The following SLC5A12 variants were observed in gnomAD, a reference collection of about 807,000 sequenced individuals.
SLC5A12 encodes the protein sodium-coupled monocarboxylate transporter 2.
SLC5A12 carries 46 observed loss-of-function variants against 72.7 expected under a neutral mutation model. The ratio of observed to expected loss-of-function variants is 0.63; its 90% CI spans 0.50 to 0.81. The LOEUF (loss-of-function observed/expected upper bound fraction) is 0.81. Among genes scored for constraint, SLC5A12 ranks in the 30% least tolerant of loss-of-function variants. SLC5A12 has a pLI of 0.00. For synonymous variants in SLC5A12, 275 were observed against 264.4 expected (o/e 1.04, Z -0.39); for missense variants, 683 against 740.7 (o/e 0.92, Z 0.90).
intron 13 of SLC5A12, among the ~76,000 whole-genome samples, chr11:26,674,182 T>C (rs61877305): frequency 0.03 from 4,641 of 152,210 alleles, 100 homozygotes; most frequent in Non-Finnish European, 0.049. Flanking sequence ...CCAGAACTTA[T>C]GCAAATTTTA....
chr11:26,708,688 T>C (rs1485010314), intron 4 of SLC5A12, among the ~76,000 whole-genome samples: 1 of 152,080 alleles, frequency 6.6e-6, no homozygotes, highest in Admixed American at 6.6e-5. Flanking sequence ...TTGCAGGGAA[T>C]GGGCAAACAA....
intron 3 of SLC5A12, 112 bp from the exon 4 acceptor site, chr11:26,709,491 TA>T: frequency 1.3e-6 from 1 of 742,422 alleles, no homozygotes; most frequent in Non-Finnish European, 2.2e-6. Context: ...TAGGCAAAAA[TA>T]AAATCAAATT....
chr11:26,681,290 G>GGCC, intron 11 of SLC5A12, 69 bp from the exon 12 acceptor site: 1 of 1,320,086 alleles, frequency 7.6e-7, no homozygotes, highest in Non-Finnish European at 1.0e-6. Context: ...AATGAGATGA[G>GGCC]GAGTTCTATG....
At chr11:26,708,083 T>G (rs1855132252) in intron 4 of SLC5A12, among the ~76,000 whole-genome samples, 1 of 152,044 alleles carries the variant, frequency 6.6e-6, no homozygotes, top group African/African-American at 2.4e-5. Context: ...TCCTTCCTAC[T>G]CACAACACTC....
chr11:26,671,392 T>C, intron 14 of SLC5A12, 141 bp from the exon 15 acceptor site: 1 of 587,102 alleles, frequency 1.7e-6, no homozygotes, highest in Non-Finnish European at 2.8e-6. Context: ...ACCTAAGACA[T>C]TTTCTAATTG....
At position 26,668,755 on chromosome 11, in the gene SLC5A12, T is replaced by C. The variant is rs1854058839; in HGVS notation, c.*2347A>G. On this transcript the variant is annotated 3_prime_UTR_variant, in exon 15 of 15. Transcript: ENST00000396005. ...CTCTAAAATCTCTTGAAATGTCATC[T>C]CCTAATGCCATAAATTTCATTACAC... 1.3e-5 allele frequency: 2 copies of C among 152,026 alleles called. No homozygotes were observed. The highest frequency in any genetic ancestry group is 2.1e-4 in the South Asian group (1 of 4,826). The allele number at this position is 152,026 out of a possible 1,614,324, so 9.4% of individuals were successfully genotyped here. A position where few individuals can be genotyped will look rare whatever the true frequency, so the allele number is the denominator to read the frequency against.
At chr11:26,692,960 T>C (rs1393343545) in intron 8 of SLC5A12, among the ~76,000 whole-genome samples, 1 of 152,188 alleles carries the variant, frequency 6.6e-6, no homozygotes, top group African/African-American at 2.4e-5. Flanking sequence ...CAGAAAGTAG[T>C]GACTACTCTA....
At chr11:26,711,253 G>T in intron 3 of SLC5A12, 54 bp downstream of exon 3, 2 of 1,397,050 alleles carry the variant, frequency 1.4e-6, no homozygotes, top group South Asian at 1.2e-5. Flanking sequence ...TCTGCAAGGT[G>T]AGAATTCAGG....
At chr11:26,717,547 G>C (rs943180714) in intron 1 of SLC5A12, among the ~76,000 whole-genome samples, 2 of 152,162 alleles carry the variant, frequency 1.3e-5, no homozygotes, top group Non-Finnish European at 2.9e-5. Flanking sequence ...CCTATACATT[G>C]ACTTGTGACA....
intron 1 of SLC5A12, among the ~76,000 whole-genome samples, chr11:26,714,515 T>G (rs987296773): frequency 2.6e-5 from 4 of 152,150 alleles, no homozygotes; most frequent in African/African-American, 9.6e-5. Flanking sequence ...TTTTTCTCAG[T>G]AAGTATTCTA....
At chr11:26,705,009 A>G (rs1855050520) in intron 4 of SLC5A12, among the ~76,000 whole-genome samples, 1 of 152,124 alleles carries the variant, frequency 6.6e-6, no homozygotes, top group East Asian at 1.9e-4. Flanking sequence ...AGTAAAATTT[A>G]GGATACAATG....
chr11:26,712,663 G>A lies in SLC5A12; in HGVS notation c.383C>T (p.Thr128Met), dbSNP rs1453163453. The stretch of plus-strand genomic sequence containing the variant: ...TACCGTCTGTACAATGTAGATGACC[G>A]TGGCAGCATAGCGAACTGGTTTGTT... ...RFNKPVRYAA[T>M]VIYIVQTILY... The change falls in exon 2 of 15, where the codon ACG (threonine) becomes ATG (methionine). Residue 128 changes from threonine to methionine, a missense_variant. Coordinates refer to ENST00000396005, the MANE Select transcript of SLC5A12 (RefSeq NM_178498.4). 1 of 1,589,774 alleles carries A rather than the reference G, an allele frequency of 6.3e-7. No homozygotes were observed. Among genetic ancestry groups the A allele is most frequent in the East Asian group, 2.2e-5 (1 of 44,536 alleles).
intron 6 of SLC5A12, among the ~76,000 whole-genome samples, chr11:26,701,640 A>G (rs1565196581): frequency 6.6e-6 from 1 of 152,180 alleles, no homozygotes; most frequent in East Asian, 1.9e-4. Flanking sequence ...ACAGCTATAT[A>G]ATTTTATTAC....
chr11:26,714,839 G>C (rs894107454), intron 1 of SLC5A12, among the ~76,000 whole-genome samples: 3 of 152,066 alleles, frequency 2.0e-5, no homozygotes, highest in Admixed American at 2.0e-4. Context: ...TATCCTGCCA[G>C]ATTCTCCCAA....
chr11:26,712,803 G>T (rs1855263173), intron 1 of SLC5A12, 97 bp from the exon 2 acceptor site: 1 of 676,786 alleles, frequency 1.5e-6, no homozygotes, highest in African/African-American at 1.8e-5. Flanking sequence ...TTGTGCTCTG[G>T]ACTTGTAATC....
chr11:26,720,060 C>T (rs1855442536), intron 1 of SLC5A12, among the ~76,000 whole-genome samples: 2 of 152,098 alleles, frequency 1.3e-5, no homozygotes, highest in African/African-American at 4.8e-5. Context: ...GTACTTAGCA[C>T]ATAGTTAAAT....
Position 26,692,523 on chromosome 11 carries a change from G to C in SLC5A12, c.1119C>G (p.Ser373=), listed in dbSNP as rs565474066. The C allele has an allele frequency of 1.2e-6, 2 of 1,613,838 alleles. No individual in the cohort carries two copies. The change falls in exon 9 of 15, where the codon TCC becomes TCG. Residue 373 remains serine (S), a synonymous_variant. Transcript: ENST00000396005. Reference sequence around the variant, plus strand: ...TACTGATCCAGGTGCTCAGCTTGTCGGAGAGATGAGGAAAACAGCTCTTGA... The same window carrying C: ...TACTGATCCAGGTGCTCAGCTTGTCCGAGAGATGAGGAAAACAGCTCTTGA... ...DFVKSCFPHL[S]DKLSTWISKG...
chr11:26,698,314 A>C, intron 7 of SLC5A12, 92 bp downstream of exon 7: 1 of 1,499,516 alleles, frequency 6.7e-7, no homozygotes, highest in Non-Finnish European at 9.0e-7. Flanking sequence ...TGAGCAGTCC[A>C]GGAAGAAAAA....
chr11:26,714,832 C>A (rs945813483), intron 1 of SLC5A12, among the ~76,000 whole-genome samples: 4 of 152,082 alleles, frequency 2.6e-5, no homozygotes, highest in Non-Finnish European at 5.9e-5. Context: ...CTCAATTTAT[C>A]CTGCCAGATT....
Sources: allele counts gnomAD v4.1 joint callset (sites outside exome capture counted in the v4.1 genomes callset), GRCh38; gene constraint gnomAD v4.1.1; transcripts MANE v1.5; gene names NCBI Gene and HGNC (gene_info 2026-07-23, HGNC 2026-07-21).